Variants in NFAT5 observed in about 807,000 individuals in gnomAD.
The protein encoded by NFAT5 is nuclear factor of activated T-cells 5.
NFAT5 carries 31 observed loss-of-function variants against 166.5 expected under a neutral mutation model. The ratio of observed to expected loss-of-function variants is 0.19; its 90% CI spans 0.14 to 0.25. The LOEUF is 0.25. Among genes scored for constraint, NFAT5 ranks in the 10% least tolerant of loss-of-function variants. NFAT5 has a pLI of 1.00. For missense variants in NFAT5, 1,449 were observed against 1,821.8 expected (o/e 0.80, Z 3.72); for synonymous variants, 612 against 639.7 (o/e 0.96, Z 0.65).
intron 2 of NFAT5, among the ~76,000 whole-genome samples, chr16:69,612,914 C>T (rs759481830): frequency 1.1e-4 from 15 of 138,352 alleles, no homozygotes; most frequent in Non-Finnish European, 1.8e-4. Context: ...ATATAAAAAA[C>T]AAAAGTAAAG....
rs546065714 is a variant in NFAT5 at position 69,604,852 on chromosome 16, T to C, written c.128-21551T>C. On this transcript the variant is annotated intron_variant, in intron 2 of 14. Coordinates refer to ENST00000349945, the MANE Select transcript of NFAT5 (RefSeq NM_138713.4). ...GCTTCTTTCCCTCAGTATAATATTT[T>C]TGAGGTTTATCCACCTTGTAGCATG... Among the ~76,000 whole-genome samples, 77 of 152,338 alleles carry C rather than the reference T, an allele frequency of 5.1e-4. 1 individual carries two copies. The highest frequency in any genetic ancestry group is 2.1e-3 in the South Asian group (10 of 4,834).
At chr16:69,639,193 A>G (rs758576265) in intron 3 of NFAT5, among the ~76,000 whole-genome samples, 6 of 152,202 alleles carry the variant, frequency 3.9e-5, no homozygotes, top group Non-Finnish European at 8.8e-5. Flanking sequence ...TTAAAAATCA[A>G]AGTATTTAAT....
Position 69,693,042 on chromosome 16 carries a change from C to T in NFAT5, c.3217C>T (p.Leu1073Phe). The change falls in exon 13 of 15, where the codon CTT (leucine) becomes TTT (phenylalanine). Residue 1073 changes from leucine to phenylalanine, a missense_variant. Physicochemically the swap from Leu to Phe is conservative, Grantham distance 22. Around this residue, in one of 7 missense-constraint regions of NFAT5, gnomAD observed 891 missense variants for 993.0 expected, o/e 0.90. Transcript: ENST00000349945. ...CCAGCAAGGGAATGAGATGATGTCACTTCAATCTGGAAATTTTTTGCAGCA... is the reference window on the plus strand; with the variant it reads ...CCAGCAAGGGAATGAGATGATGTCATTTCAATCTGGAAATTTTTTGCAGCA... ...LFQQGNEMMS[L>F]QSGNFLQQSS... 1.2e-6 allele frequency: 2 copies of T among 1,614,020 alleles called. No homozygotes were observed. Among genetic ancestry groups the T allele is most frequent in the Non-Finnish European group, 8.5e-7 (1 of 1,180,020 alleles).
chr16:69,641,457 G>A (rs1393675244), intron 3 of NFAT5, among the ~76,000 whole-genome samples: 3 of 151,694 alleles, frequency 2.0e-5, no homozygotes, highest in African/African-American at 7.3e-5. Flanking sequence ...TTGCACAGAT[G>A]TTGAAAAATT....
At chr16:69,598,049 T>C (rs1253577500) in intron 2 of NFAT5, among the ~76,000 whole-genome samples, 2 of 152,134 alleles carry the variant, frequency 1.3e-5, no homozygotes, top group Admixed American at 1.3e-4. Context: ...TATTTAGTTA[T>C]TGGTTTAATT....
At chr16:69,674,185 G>A (rs2151679941) in intron 9 of NFAT5, among the ~76,000 whole-genome samples, 1 of 148,808 alleles carries the variant, frequency 6.7e-6, no homozygotes, top group Non-Finnish European at 1.5e-5. Context: ...GGAGGTTGCA[G>A]TGAGCTGAGA....
Position 69,669,957 on chromosome 16 carries a change from A to G in NFAT5, c.1370-20A>G. On this transcript the variant is annotated intron_variant, in intron 7 of 14. Coordinates refer to ENST00000349945, the MANE Select transcript of NFAT5 (RefSeq NM_138713.4). ...AAGTTTTGGTGGTTCTTCTTATAGA[A>G]TGCTTATGTATCTCCACAGCTCAGC... is the stretch of plus-strand genomic sequence containing the variant. The G allele has an allele frequency of 1.9e-6, 3 of 1,544,608 alleles. No individual in the cohort carries two copies. Among genetic ancestry groups the G allele is most frequent in the Non-Finnish European group, 1.7e-6 (2 of 1,154,302 alleles).
rs1177435167 is a variant in NFAT5 at position 69,670,004 on chromosome 16, T to C, written c.1397T>C (p.Leu466Ser). The C allele has an allele frequency of 6.2e-7, 1 of 1,607,004 alleles. No individual in the cohort carries two copies. The highest frequency in any genetic ancestry group is 1.7e-5 in the Admixed American group (1 of 57,902). Residue 466 changes from leucine to serine, a missense_variant, in exon 8 of 15, where the codon TTA becomes TCA. Physicochemically the swap from Leu to Ser is moderately radical, Grantham distance 145. Around this residue, in one of 7 missense-constraint regions of NFAT5, gnomAD observed 245 missense variants for 366.6 expected, o/e 0.67. Transcript: ENST00000349945. ...CAGCCAGCAGGAGTGCCAGAAATCT[T>C]AAAGAAAAGCTTGCATAGCTGTTCA... ...CTQPAGVPEI[L>S]KKSLHSCSVK...
chr16:69,672,777 T>C (rs1449696274), intron 9 of NFAT5, among the ~76,000 whole-genome samples: 2 of 152,216 alleles, frequency 1.3e-5, no homozygotes, highest in African/African-American at 4.8e-5. Flanking sequence ...ATGAACATGT[T>C]TTGTTTCTTG....
chr16:69,677,753 A>G (rs2036888928), intron 10 of NFAT5, among the ~76,000 whole-genome samples: 1 of 152,210 alleles, frequency 6.6e-6, no homozygotes. Flanking sequence ...GTGACAGGTG[A>G]TAAAATAAAA....
intron 9 of NFAT5, 46 bp from the exon 10 acceptor site, chr16:69,677,157 T>G (rs1597528391): frequency 6.4e-7 from 1 of 1,555,950 alleles, no homozygotes; most frequent in Non-Finnish European, 8.7e-7. Context: ...ATTTTTAAAT[T>G]TAAGTATTGC....
chr16:69,693,443 A>G lies in NFAT5; in HGVS notation c.3618A>G (p.Ile1206Met). 6.2e-7 allele frequency: 1 copy of G among 1,614,130 alleles called. No homozygotes were observed. Among genetic ancestry groups the G allele is most frequent in the Non-Finnish European group, 8.5e-7 (1 of 1,180,012 alleles). Residue 1206 changes from isoleucine to methionine, a missense_variant, in exon 13 of 15, where the codon ATA becomes ATG. Physicochemically the swap from Ile to Met is conservative, Grantham distance 10 (BLOSUM62 1). Around this residue, in one of 7 missense-constraint regions of NFAT5, gnomAD observed 891 missense variants for 993.0 expected, o/e 0.90. Transcript: ENST00000349945. ...CTGCTTTCCAACAGCAAGCTCCAAT[A>G]TCACACATCCAGACTCCTATGCTTT... ...QQAAFQQQAPISHIQTPMLSQ... is the reference protein window; with the variant it reads ...QQAAFQQQAPMSHIQTPMLSQ...
chr16:69,572,453 T>A (rs1000361969), intron 2 of NFAT5, among the ~76,000 whole-genome samples: 11 of 152,124 alleles, frequency 7.2e-5, no homozygotes, highest in African/African-American at 1.2e-4. Context: ...ATATTTTTTT[T>A]AAATAAAATT....
At chr16:69,574,669 T>C (rs2016635766) in intron 2 of NFAT5, among the ~76,000 whole-genome samples, 1 of 148,132 alleles carries the variant, frequency 6.8e-6, no homozygotes, top group Admixed American at 6.7e-5. Context: ...ACTTTTCTCT[T>C]TTTTTTTTTT....
chr16:69,617,164 G>C (rs577569054), intron 2 of NFAT5, among the ~76,000 whole-genome samples: 1 of 151,898 alleles, frequency 6.6e-6, no homozygotes, highest in African/African-American at 2.4e-5. Context: ...GGATGGTCTC[G>C]ATCTCCTGAC....
At chr16:69,627,131 C>T (rs1386317811) in intron 3 of NFAT5, among the ~76,000 whole-genome samples, 1 of 151,178 alleles carries the variant, frequency 6.6e-6, no homozygotes, top group African/African-American at 2.4e-5. Flanking sequence ...TTTTACTCAG[C>T]TCTCAAATCA....
Position 69,577,304 on chromosome 16 carries a change from A to G in NFAT5, c.127+8756A>G, listed in dbSNP as rs2016816208. Among the ~76,000 whole-genome samples, 3 of 152,318 alleles carry G rather than the reference A, an allele frequency of 2.0e-5. No homozygotes were observed. In the South Asian group the frequency reaches 6.2e-4, roughly 32 times the overall value. On this transcript the variant is annotated intron_variant, in intron 2 of 14. Coordinates refer to ENST00000349945, the MANE Select transcript of NFAT5 (RefSeq NM_138713.4). ...GTGGTTTAGTCTCTTCTAATAAGCT[A>G]TAAGCAACATGGGCCAGAACCTATG...
At position 69,688,226 on chromosome 16, in the gene NFAT5, AC is replaced by A. The variant is rs1227856611; in HGVS notation, c.1775-2712del. Among the ~76,000 whole-genome samples the A allele has an allele frequency of 2.5e-3, 358 of 142,342 alleles. 4 individuals are homozygous for A. The highest frequency in any genetic ancestry group is 7.8e-3 in the African/African-American group (281 of 36,008). The allele number at this position is 142,342 out of a possible 152,430, so 93.4% of individuals were successfully genotyped here. ...TCAAAAAAAAAAAAAAAAAAAAAAA[AC>A]CAGGAGTTTGAGGCTGCAGGTACTC... is the stretch of plus-strand genomic sequence containing the variant. On this transcript the variant is annotated intron_variant, in intron 11 of 14. Coordinates refer to ENST00000349945, the MANE Select transcript of NFAT5 (RefSeq NM_138713.4).
intron 3 of NFAT5, among the ~76,000 whole-genome samples, chr16:69,640,758 G>C (rs991527886): frequency 6.6e-6 from 1 of 151,686 alleles, no homozygotes; most frequent in Admixed American, 6.6e-5. Context: ...GAGGCAGGCG[G>C]ATCAGCTGAG....
Sources: gnomAD v4.1 joint callset for allele counts (sites outside exome capture counted in the v4.1 genomes callset) on GRCh38, gnomAD v4.1.1 for gene constraint, gnomAD v4.1.1 regional missense constraint, MANE v1.5 for transcripts, NCBI Gene and HGNC (gene_info 2026-07-23, HGNC 2026-07-21) for gene names.